The following SMTN variants were observed in gnomAD, a reference collection of about 807,000 sequenced individuals.
The protein encoded by SMTN is smoothelin.
Under a neutral mutation model 102.0 loss-of-function variants are expected in SMTN, and 58 were observed. The observed-to-expected ratio is 0.57, with a 90% confidence interval of 0.46 to 0.71. The LOEUF (loss-of-function observed/expected upper bound fraction) is 0.71, where lower values mean the gene tolerates loss of function less well. Ranked by LOEUF, SMTN falls within the 30% of genes least tolerant of loss-of-function variation. SMTN has a pLI of 0.00. For missense variants in SMTN, 1,185 were observed against 1,241.7 expected, an observed-to-expected ratio of 0.95 and a Z score of 0.69; for synonymous variants, 478 against 497.9, an observed-to-expected ratio of 0.96 and a Z score of 0.53.
chr22:31,098,696 CA>C lies in SMTN; in HGVS notation c.2190del (p.Arg731GlyfsTer19). 3.1e-6 allele frequency: 5 copies of C among 1,613,550 alleles called. No individual in the cohort carries two copies. The highest frequency in any genetic ancestry group is 4.2e-6 in the Non-Finnish European group (5 of 1,179,934). On this transcript the variant is annotated frameshift_variant, in exon 17 of 21. Transcript: ENST00000333137. LOFTEE classifies it high-confidence loss of function. ...TTCGACCGCGAGGACCAGGCCAGCCCACGGGCCGGCAGCCTGGCGGCGCTCG... is the reference window on the plus strand; with the variant it reads ...TTCGACCGCGAGGACCAGGCCAGCCCCGGGCCGGCAGCCTGGCGGCGCTCG... Reference protein sequence around the residue: ...SIFDREDQASPRAGSLAALEK... With the variant: ...SIFDREDQASXRAGSLAALEK...
rs560215509 is a variant in SMTN at position 31,066,179 on chromosome 22, C to A, written c.-386+1992C>A. On this transcript the variant is annotated intron_variant, in intron 1 of 3. Coordinates refer to the SMTN transcript ENST00000422839. ...TAGAGTTGCCTCCAGGTGCCTGGGC[C>A]TGTGGGTGTTGGGCAGGAGAACCTT... 5 of 152,278 alleles carry A rather than the reference C, an allele frequency of 3.3e-5. No homozygotes were observed. In the East Asian group the frequency reaches 9.6e-4, roughly 29 times the overall value. The allele number at this position is 152,278 out of a possible 1,614,324, so 9.4% of individuals were successfully genotyped here. A position where few individuals can be genotyped will look rare whatever the true frequency, so the allele number is the denominator to read the frequency against.
intron 1 of SMTN, among the ~76,000 whole-genome samples, chr22:31,074,084 C>T (rs990581529): frequency 1.3e-5 from 2 of 152,218 alleles, no homozygotes; most frequent in African/African-American, 4.8e-5. Flanking sequence ...ATTCTATTGG[C>T]CAAAAATAGT....
chr22:31,089,705 G>A lies in SMTN; in HGVS notation c.478G>A (p.Glu160Lys), dbSNP rs866822321. ...AHRLEQCEVP[E>K]REEQEQQAEV... ...TCCTGTGGGTCCCTTACAGGTGCCA[G>A]AGCGAGAGGAACAGGAACAGCAGGC... The change falls in exon 7 of 21, where the codon GAG becomes AAG. Residue 160 changes from glutamate (E) to lysine (K), a missense_variant. Glu to Lys is a moderately conservative substitution (Grantham distance 56). Around this residue, in one of 2 missense-constraint regions of SMTN, gnomAD observed 1,096 missense variants for 1,112.7 expected, o/e 0.98. Transcript: ENST00000333137. 1.9e-5 allele frequency: 31 copies of A among 1,596,892 alleles called. No individual in the cohort carries two copies. The Admixed American group carries it at 4.2e-4, about 22-fold the overall frequency.
At chr22:31,085,171 C>A in intron 2 of SMTN, 2 of 1,535,562 alleles carry the variant, frequency 1.3e-6, no homozygotes, top group Non-Finnish European at 1.7e-6. Context: ...AGTTCGACCT[C>A]CGCCACTCAG....
intron 2 of SMTN, among the ~76,000 whole-genome samples, chr22:31,085,650 C>T (rs1237389365): frequency 6.6e-6 from 1 of 152,244 alleles, no homozygotes; most frequent in Non-Finnish European, 1.5e-5. Flanking sequence ...TTTGTACTTC[C>T]TTCCCTCCCT....
intron 1 of SMTN, among the ~76,000 whole-genome samples, chr22:31,074,956 A>T (rs2042094408): frequency 6.6e-6 from 1 of 152,202 alleles, no homozygotes; most frequent in Non-Finnish European, 1.5e-5. Context: ...TGGGCTTAAT[A>T]GCTGTCAGGG....
chr22:31,085,373 C>T (rs1271744744), intron 2 of SMTN: 1 of 1,270,704 alleles, frequency 7.9e-7, no homozygotes, highest in Admixed American at 2.7e-5. Context: ...GCGAGGCTTC[C>T]CTCCACCGCC....
intron 17 of SMTN, 40 bp downstream of exon 17, chr22:31,098,880 GTGATAGGCAGTGGGGGGCGGGGCT>G (rs1327380988): frequency 5.2e-6 from 8 of 1,529,396 alleles, no homozygotes; most frequent in South Asian, 1.1e-5. Flanking sequence ...GGGGCGGGGC[GTGATAGGCAGTGGGGGGCGGGGCT>G]TGATAGTTGG....
intron 2 of SMTN, among the ~76,000 whole-genome samples, chr22:31,083,902 AAGAG>A (rs1206945918): frequency 1.3e-5 from 2 of 152,210 alleles, no homozygotes; most frequent in African/African-American, 4.8e-5. Flanking sequence ...ACGAGGCCAT[AAGAG>A]AGAGACAGGT....
intron 16 of SMTN, among the ~76,000 whole-genome samples, chr22:31,097,939 T>C (rs1333519663): frequency 1.3e-5 from 2 of 152,224 alleles, no homozygotes; most frequent in East Asian, 1.9e-4. Flanking sequence ...TGCAATAGCA[T>C]TGAACACTTA....
intron 19 of SMTN, 54 bp downstream of exon 19, chr22:31,099,950 C>T (rs924448325): frequency 1.4e-5 from 22 of 1,572,520 alleles, no homozygotes; most frequent in African/African-American, 5.4e-5. Context: ...GGCTGGACAT[C>T]GGGACCAGGC....
At chr22:31,079,417 G>A (rs2042208580), upstream of SMTN, among the ~76,000 whole-genome samples, 1 of 152,214 alleles carries the variant, frequency 6.6e-6, no homozygotes, top group Admixed American at 6.5e-5. Context: ...AAGCATGGAG[G>A]AACTCACCTG....
chr22:31,088,456 C>A, intron 3 of SMTN, 57 bp from the exon 4 acceptor site: 1 of 1,499,780 alleles, frequency 6.7e-7, no homozygotes, highest in Non-Finnish European at 9.2e-7. Context: ...ACCCTTAGCC[C>A]ACATCCTCCA....
Position 31,100,875 on chromosome 22 carries a change from C to T in SMTN, c.2604-10C>T, listed in dbSNP as rs2044031425. ...TCCCCCACCCCTTCCCGGCCCCCTA[C>T]CCTCCCCAGGACCCATGCGGACTGC... On this transcript the variant is annotated splice_polypyrimidine_tract_variant and intron_variant, in intron 19 of 20. Coordinates refer to ENST00000333137, the MANE Select transcript of SMTN (RefSeq NM_134269.3). 1.9e-6 allele frequency: 2 copies of T among 1,062,980 alleles called. No individual in the cohort carries two copies. The highest frequency in any genetic ancestry group is 1.3e-5 in the South Asian group (1 of 78,282). 65.8% of individuals were successfully genotyped at this position (1,062,980 alleles called of 1,614,324 possible). A position where few individuals can be genotyped will look rare whatever the true frequency, so the allele number is the denominator to read the frequency against.
At chr22:31,098,466 T>A (rs1232269243) in intron 16 of SMTN, among the ~76,000 whole-genome samples, 1 of 152,198 alleles carries the variant, frequency 6.6e-6, no homozygotes, top group Non-Finnish European at 1.5e-5. Flanking sequence ...GGCGGAAACC[T>A]GTTGAAAACC....
At chr22:31,098,936 G>A (rs2043849464) in intron 17 of SMTN, 96 bp downstream of exon 17, 2 of 1,548,560 alleles carry the variant, frequency 1.3e-6, no homozygotes, top group Non-Finnish European at 1.8e-6. Context: ...CGGGAAGACC[G>A]CGCGGCTAGA....
Position 31,097,125 on chromosome 22 carries a change from T to C in SMTN, c.2089+65T>C, listed in dbSNP as rs538631113. 1.4e-4 allele frequency: 219 copies of C among 1,548,584 alleles called. No individual in the cohort carries two copies. The Admixed American group carries it at 3.5e-3, about 25-fold the overall frequency. On this transcript the variant is annotated intron_variant, in intron 15 of 20. Transcript: ENST00000333137. ...CCGCCCACCTCCTCCGGCTCTTCCTTGAGCTCTCTCTCCGTGTCTTCAACT... is the reference window on the plus strand; with the variant it reads ...CCGCCCACCTCCTCCGGCTCTTCCTCGAGCTCTCTCTCCGTGTCTTCAACT...
At chr22:31,086,549 C>G (rs2042717253) in intron 2 of SMTN, among the ~76,000 whole-genome samples, 1 of 152,148 alleles carries the variant, frequency 6.6e-6, no homozygotes, top group Non-Finnish European at 1.5e-5. Context: ...CTGGCTAGAA[C>G]CAAGTATGGG....
chr22:31,082,924 A>G, intron 1 of SMTN: 4 of 1,539,490 alleles, frequency 2.6e-6, no homozygotes, highest in Non-Finnish European at 3.5e-6. Flanking sequence ...AGACAGGATG[A>G]GAGTCCATCC....
Sources: allele counts gnomAD v4.1 joint callset (sites outside exome capture counted in the v4.1 genomes callset), GRCh38; gene constraint gnomAD v4.1.1; regional missense constraint gnomAD v4.1.1; transcripts MANE v1.5; gene names NCBI Gene and HGNC (gene_info 2026-07-23, HGNC 2026-07-21).